The following KIAA1217 variants were observed in gnomAD, a reference collection of about 807,000 sequenced individuals.
KIAA1217 encodes sickle tail protein homolog.
Under a neutral mutation model 163.9 loss-of-function variants are expected in KIAA1217, and 88 were observed. The ratio of observed to expected loss-of-function variants is 0.54; its 90% CI spans 0.45 to 0.64. The LOEUF is 0.64. KIAA1217 is among the 30% of genes least tolerant of loss of function. KIAA1217 has a pLI of 0.00. For missense variants in KIAA1217, 2,372 were observed against 2,475.0 expected (o/e 0.96, Z 0.88); for synonymous variants, 903 against 923.1 (o/e 0.98, Z 0.39).
chr10:23,908,892 T>C (rs1842301069), intron 1 of KIAA1217, among the ~76,000 whole-genome samples: 1 of 152,070 alleles, frequency 6.6e-6, no homozygotes, highest in South Asian at 2.1e-4. Context: ...ACTGGGTGTA[T>C]ACCTTGAGGA....
chr10:24,358,987 T>C (rs2049510890), intron 2 of KIAA1217, among the ~76,000 whole-genome samples: 1 of 152,142 alleles, frequency 6.6e-6, no homozygotes. Context: ...CTGAGATCTG[T>C]GAATGAGATC....
At chr10:24,181,884 C>G (rs1204609917) in intron 2 of KIAA1217, among the ~76,000 whole-genome samples, 1 of 152,086 alleles carries the variant, frequency 6.6e-6, no homozygotes, top group East Asian at 1.9e-4. Context: ...AAGTTCAGTT[C>G]CGGGTACACA....
chr10:24,321,257 G>A (rs752279071), intron 2 of KIAA1217, among the ~76,000 whole-genome samples: 9 of 152,116 alleles, frequency 5.9e-5, no homozygotes, highest in South Asian at 4.1e-4. Context: ...GGATAGGCTC[G>A]GCACAGTGGC....
rs1042330330 is a variant in KIAA1217, at chr10:24,513,170, C to A, written c.2002-89C>A. 2.4e-6 allele frequency: 3 copies of A among 1,255,588 alleles called. No individual in the cohort carries two copies. The African/African-American group carries it at 4.5e-5, about 19-fold the overall frequency. The allele number at this position is 1,255,588 out of a possible 1,614,324, so 77.8% of individuals were successfully genotyped here. Reference sequence around the variant, plus strand: ...AAAGATTCAGCCGCAGGGCTGTCTACCCAAAGTGCTCCGAAGACTTCAAGG... The same window carrying A: ...AAAGATTCAGCCGCAGGGCTGTCTAACCAAAGTGCTCCGAAGACTTCAAGG... On this transcript the variant is annotated intron_variant, in intron 9 of 20. Transcript: ENST00000376454.
At chr10:24,452,840 C>A (rs997322605) in intron 5 of KIAA1217, among the ~76,000 whole-genome samples, 9 of 152,030 alleles carry the variant, frequency 5.9e-5, no homozygotes, top group Non-Finnish European at 1.3e-4. Flanking sequence ...GTGACAGACA[C>A]CCCATTTACC....
Position 24,520,165 on chromosome 10 carries a change from G to C in KIAA1217, c.2220G>C (p.Thr740=). 1 of 1,614,100 alleles carries C rather than the reference G, an allele frequency of 6.2e-7. No homozygotes were observed. Among genetic ancestry groups the C allele is most frequent in the Non-Finnish European group, 8.5e-7 (1 of 1,180,012 alleles). Reference sequence around the variant, plus strand: ...TTGAAGACTTGAAGAAGGACTCCACGGCAGCCAGCCGATTGGTTACTCTGA... The same window carrying C: ...TTGAAGACTTGAAGAAGGACTCCACCGCAGCCAGCCGATTGGTTACTCTGA... ...DFVEDLKKDS[T]AASRLVTLKD... is the part of the protein sequence containing the mutation. Residue 740 remains threonine, a synonymous_variant, in exon 11 of 21, where the codon ACG becomes ACC. Transcript: ENST00000376454.
At chr10:24,207,679 G>C (rs2067641227), upstream of KIAA1217, among the ~76,000 whole-genome samples, 1 of 152,142 alleles carries the variant, frequency 6.6e-6, no homozygotes, top group African/African-American at 2.4e-5. Context: ...CGTCTTCTTG[G>C]ATTTCAAGAA....
chr10:23,704,968 T>C (rs1442150594), intron 1 of KIAA1217, among the ~76,000 whole-genome samples: 1 of 152,162 alleles, frequency 6.6e-6, no homozygotes, highest in African/African-American at 2.4e-5. Flanking sequence ...AATACTTAAC[T>C]CTTTTTTTGA....
At chr10:24,242,539 G>C (rs139737637) in intron 2 of KIAA1217, among the ~76,000 whole-genome samples, 2 of 151,876 alleles carry the variant, frequency 1.3e-5, no homozygotes, top group African/African-American at 4.8e-5. Context: ...TGGATAGCAC[G>C]GTGATGAACA....
At chr10:24,244,345 A>G (rs1473978774) in intron 2 of KIAA1217, among the ~76,000 whole-genome samples, 1 of 152,032 alleles carries the variant, frequency 6.6e-6, no homozygotes, top group Non-Finnish European at 1.5e-5. Flanking sequence ...TTTCATCGCT[A>G]TTTATTAATT....
At chr10:23,787,616 G>A (rs1022815192) in intron 1 of KIAA1217, among the ~76,000 whole-genome samples, 2 of 152,156 alleles carry the variant, frequency 1.3e-5, no homozygotes, top group Non-Finnish European at 2.9e-5. Flanking sequence ...AAGGAAGCAT[G>A]CCACTGGAGG....
At chr10:24,187,246 C>CT (rs1321939300) in intron 2 of KIAA1217, among the ~76,000 whole-genome samples, 60 of 152,114 alleles carry the variant, frequency 3.9e-4, no homozygotes, top group African/African-American at 1.4e-3. Context: ...CGCTGCCTCC[C>CT]TTTCTCTCAT....
upstream of KIAA1217, among the ~76,000 whole-genome samples, chr10:24,207,831 A>C (rs752113877): frequency 6.6e-6 from 1 of 152,138 alleles, no homozygotes; most frequent in Non-Finnish European, 1.5e-5. Flanking sequence ...AATGGCCAAA[A>C]TACGTCACCC....
intron 2 of KIAA1217, among the ~76,000 whole-genome samples, chr10:24,085,903 G>T (rs1306790736): frequency 2.0e-5 from 3 of 151,984 alleles, no homozygotes; most frequent in African/African-American, 4.8e-5. Flanking sequence ...AGCAGAGGAG[G>T]TTGAGGCTGC....
chr10:24,342,534 A>T (rs2047216017), intron 2 of KIAA1217, among the ~76,000 whole-genome samples: 1 of 152,078 alleles, frequency 6.6e-6, no homozygotes, highest in African/African-American at 2.4e-5. Flanking sequence ...AGATAGATGC[A>T]TGGCTTATGT....
chr10:23,995,076 G>A (rs1235034510), intron 1 of KIAA1217, among the ~76,000 whole-genome samples: 1 of 152,220 alleles, frequency 6.6e-6, no homozygotes, highest in Non-Finnish European at 1.5e-5. Context: ...CCCAAGAGCA[G>A]CATTGGTAAT....
At chr10:24,101,100 A>G (rs990448630) in intron 2 of KIAA1217, among the ~76,000 whole-genome samples, 1 of 152,250 alleles carries the variant, frequency 6.6e-6, no homozygotes, top group Non-Finnish European at 1.5e-5. Flanking sequence ...CCACGTTACC[A>G]TTGCTAAAAA....
At chr10:23,793,989 A>T (rs1479782094) in intron 1 of KIAA1217, among the ~76,000 whole-genome samples, 1 of 152,216 alleles carries the variant, frequency 6.6e-6, no homozygotes, top group African/African-American at 2.4e-5. Flanking sequence ...AAGCACCCGG[A>T]TGCTTGTTAA....
At chr10:24,374,768 CT>C (rs1182661555) in intron 2 of KIAA1217, among the ~76,000 whole-genome samples, 1 of 152,096 alleles carries the variant, frequency 6.6e-6, no homozygotes, top group Non-Finnish European at 1.5e-5. Flanking sequence ...CCTTGCTGTT[CT>C]TTTTTTAAAT....
Sources: allele counts gnomAD v4.1 joint callset (sites outside exome capture counted in the v4.1 genomes callset), GRCh38; gene constraint gnomAD v4.1.1; transcripts MANE v1.5; gene names NCBI Gene and HGNC (gene_info 2026-07-23, HGNC 2026-07-21).